The following UNC79 variants were observed in gnomAD, a reference collection of about 807,000 sequenced individuals.
UNC79 encodes unc-79 subunit of NALCN channel complex.
In UNC79, 37 loss-of-function variants were observed where a neutral mutation model predicts 283.1. The observed-to-expected ratio is 0.13, with a 90% CI of 0.10 to 0.17. UNC79 has a LOEUF of 0.17. Ranked by LOEUF, UNC79 falls within the 10% of genes least tolerant of loss-of-function variation. The pLI is 1.00. For missense variants in UNC79, 2,272 were observed against 3,211.1 expected, an observed-to-expected ratio of 0.71 and a Z score of 7.07; for synonymous variants, 1,107 against 1,200.2, an observed-to-expected ratio of 0.92 and a Z score of 1.61.
chr14:93,384,174 T>G (rs761664744), intron 1 of UNC79, among the ~76,000 whole-genome samples: 29 of 152,230 alleles, frequency 1.9e-4, no homozygotes, highest in Non-Finnish European at 4.1e-4. Flanking sequence ...TGCAGATATC[T>G]CTTAGATTTA....
chr14:93,355,467 G>A (rs1322018725), intron 1 of UNC79, among the ~76,000 whole-genome samples: 1 of 152,186 alleles, frequency 6.6e-6, no homozygotes, highest in Non-Finnish European at 1.5e-5. Flanking sequence ...AAACTGCTGG[G>A]ATTACAGGCG....
intron 33 of UNC79, among the ~76,000 whole-genome samples, chr14:93,642,850 T>A (rs1490745349): frequency 1.3e-5 from 2 of 152,240 alleles, no homozygotes; most frequent in Non-Finnish European, 2.9e-5. Flanking sequence ...AGACTTTCGC[T>A]TCCTTTTATA....
exon 25 of UNC79, chr14:93,600,727 C>T: frequency 1.2e-6 from 2 of 1,613,604 alleles, no homozygotes; most frequent in Non-Finnish European, 1.7e-6. Flanking sequence ...CTTTGGAAGC[C>T]CAGCTACATT....
rs534271692 is a variant in UNC79, at chr14:93,375,428, A to C, written c.-351+41905A>C. 5.8e-4 allele frequency among the ~76,000 whole-genome samples: 89 copies of C among 152,332 alleles called. 1 individual carries two copies. The highest frequency in any genetic ancestry group is 6.8e-3 in the Middle Eastern group (2 of 294). On this transcript the variant is annotated intron_variant, in intron 1 of 49. Transcript: ENST00000256339. ...ATTGAGTCATTGGGCTTCTGCCTTCATGTATGGATTAATCCACCCATGGAT... is the reference window on the plus strand; with the variant it reads ...ATTGAGTCATTGGGCTTCTGCCTTCCTGTATGGATTAATCCACCCATGGAT...
At chr14:93,395,633 AACCAT>A (rs915569018) in intron 1 of UNC79, among the ~76,000 whole-genome samples, 11 of 152,216 alleles carry the variant, frequency 7.2e-5, no homozygotes, top group African/African-American at 2.4e-4. Context: ...CATGGAGCCA[AACCAT>A]ATCAATAGTT....
intron 14 of UNC79, among the ~76,000 whole-genome samples, chr14:93,557,123 G>C (rs1366587157): frequency 6.6e-6 from 1 of 152,184 alleles, no homozygotes; most frequent in Non-Finnish European, 1.5e-5. Context: ...TAAAAGCTAA[G>C]CTAAGCCATG....
chr14:93,442,116 G>T (rs1369951518), intron 1 of UNC79, among the ~76,000 whole-genome samples: 1 of 151,882 alleles, frequency 6.6e-6, no homozygotes, highest in Non-Finnish European at 1.5e-5. Flanking sequence ...TTTCTTAGTG[G>T]CTTAGTCTTT....
chr14:93,435,765 T>C (rs1334084930), intron 1 of UNC79, among the ~76,000 whole-genome samples: 2 of 152,232 alleles, frequency 1.3e-5, no homozygotes, highest in Non-Finnish European at 2.9e-5. Context: ...TTGTTGATTC[T>C]AGCTCGTCAA....
At chr14:93,654,849 C>G (rs952362775) in intron 37 of UNC79, among the ~76,000 whole-genome samples, 1 of 152,124 alleles carries the variant, frequency 6.6e-6, no homozygotes, top group Non-Finnish European at 1.5e-5. Flanking sequence ...TGCAGGTCAG[C>G]TCTTGGGGTT....
At chr14:93,465,035 A>AT (rs1331116574) in intron 1 of UNC79, among the ~76,000 whole-genome samples, 1 of 152,014 alleles carries the variant, frequency 6.6e-6, no homozygotes, top group Non-Finnish European at 1.5e-5. Context: ...TGGCTTGAAC[A>AT]TTTTTTTCAA....
At chr14:93,571,072 C>A (rs890860798) in intron 14 of UNC79, among the ~76,000 whole-genome samples, 13 of 152,084 alleles carry the variant, frequency 8.5e-5, no homozygotes, top group African/African-American at 3.1e-4. Context: ...GATATTGGAG[C>A]TTTAAAATAG....
At chr14:93,581,596 C>T (rs776895045) in intron 19 of UNC79, among the ~76,000 whole-genome samples, 65 of 147,398 alleles carry the variant, frequency 4.4e-4, no homozygotes, top group Non-Finnish European at 8.0e-4. Flanking sequence ...CAGGTTCAAG[C>T]GATTCTCCTG....
intron 1 of UNC79, among the ~76,000 whole-genome samples, chr14:93,394,030 T>G (rs540870665): frequency 7.2e-5 from 11 of 152,242 alleles, no homozygotes; most frequent in Non-Finnish European, 1.5e-4. Flanking sequence ...TCAAGCTCAG[T>G]GTCTTCTACA....
At chr14:93,608,264 A>G (rs753954109) in intron 26 of UNC79, among the ~76,000 whole-genome samples, 1 of 152,238 alleles carries the variant, frequency 6.6e-6, no homozygotes, top group Non-Finnish European at 1.5e-5. Context: ...AGTAAGGGAT[A>G]TTAAGTATGA....
At chr14:93,640,384 T>C (rs1038766445) in intron 32 of UNC79, among the ~76,000 whole-genome samples, 5 of 152,286 alleles carry the variant, frequency 3.3e-5, no homozygotes, top group African/African-American at 9.6e-5. Flanking sequence ...ATCCTAGCAT[T>C]TTGGGAGGCT....
chr14:93,349,627 A>G (rs2053942948), intron 1 of UNC79, among the ~76,000 whole-genome samples: 1 of 152,142 alleles, frequency 6.6e-6, no homozygotes, highest in Non-Finnish European at 1.5e-5. Flanking sequence ...TAGGTGCGTG[A>G]GCTGTGTGGT....
chr14:93,606,728 C>G (rs1046572284), intron 26 of UNC79, among the ~76,000 whole-genome samples: 4 of 152,166 alleles, frequency 2.6e-5, no homozygotes, highest in Admixed American at 2.6e-4. Context: ...TTATGACTCT[C>G]TGATCTTAAC....
In UNC79 at chr14:93,412,703, A is replaced by G. The variant is rs145171070; in HGVS notation, c.-350-54968A>G. Among the ~76,000 whole-genome samples the G allele has an allele frequency of 2.7e-3, 406 of 152,142 alleles. 1 individual carries two copies. The highest frequency in any genetic ancestry group is 9.2e-3 in the African/African-American group (384 of 41,540). The stretch of plus-strand genomic sequence containing the variant: ...TCTTTCTCTATGTTTGCAAAGTTCA[A>G]TGTTACCTTACAGGCCAGGAGAGAG... On this transcript the variant is annotated intron_variant, in intron 1 of 49. Transcript: ENST00000256339.
intron 7 of UNC79, among the ~76,000 whole-genome samples, chr14:93,511,728 A>G (rs2059836516): frequency 6.6e-6 from 1 of 152,208 alleles, no homozygotes; most frequent in South Asian, 2.1e-4. Context: ...TACAGGCATG[A>G]GCCACCGTGC....
Sources: allele counts gnomAD v4.1 joint callset (sites outside exome capture counted in the v4.1 genomes callset), GRCh38; gene constraint gnomAD v4.1.1; transcripts MANE v1.5; gene names NCBI Gene and HGNC (gene_info 2026-07-23, HGNC 2026-07-21).